Variants in TRPM2 observed in about 807,000 individuals in gnomAD.
TRPM2 encodes the protein estrogen-responsive element-associated gene 1 protein.
A neutral mutation model predicts 174.0 loss-of-function variants in TRPM2; 161 were observed. The observed-to-expected ratio is 0.93, with a 90% CI of 0.81 to 1.05. The LOEUF is 1.05. Among genes scored for constraint, TRPM2 ranks in the 50% least tolerant of loss-of-function variants. The pLI is 0.00. For missense variants in TRPM2, 2,057 were observed against 2,038.0 expected (o/e 1.01, Z -0.18); for synonymous variants, 954 against 861.3 (o/e 1.11, Z -1.88).
chr21:44,375,775 C>T (rs1233902309), intron 5 of TRPM2, 58 bp from the exon 6 acceptor site: 9 of 1,542,000 alleles, frequency 5.8e-6, no homozygotes, highest in African/African-American at 2.7e-5. Context: ...TCAGCCTGCT[C>T]GCGTTAGAGA....
In TRPM2 at chr21:44,433,134, G is replaced by C. The variant is rs368094312; in HGVS notation, c.3975-1997G>C. Among the ~76,000 whole-genome samples the C allele has an allele frequency of 5.3e-5, 8 of 152,326 alleles. No homozygotes were observed. The East Asian group carries it at 1.5e-3, about 29-fold the overall frequency. On this transcript the variant is annotated intron_variant, in intron 27 of 31. Transcript: ENST00000397928. ...TGAGAAGCAAGGGTGCAGAGTGTTT[G>C]TTTCCCTCCTGGCAGAAGCGAGCGT...
At chr21:44,381,293 C>T (rs1003411415) in intron 8 of TRPM2, among the ~76,000 whole-genome samples, 3 of 151,730 alleles carry the variant, frequency 2.0e-5, no homozygotes, top group Non-Finnish European at 2.9e-5. Context: ...TGGGAAGATG[C>T]GTTTGTGGAG....
chr21:44,355,824 C>T (rs2048043086), intron 2 of TRPM2, among the ~76,000 whole-genome samples: 1 of 151,486 alleles, frequency 6.6e-6, no homozygotes, highest in African/African-American at 2.4e-5. Context: ...AATACAACAG[C>T]TGTCCCTCCG....
intron 16 of TRPM2, among the ~76,000 whole-genome samples, chr21:44,404,630 T>C (rs1462122951): frequency 1.3e-5 from 2 of 152,196 alleles, no homozygotes; most frequent in African/African-American, 4.8e-5. Flanking sequence ...ATAGTGATGA[T>C]AGTGACAGTG....
intron 5 of TRPM2, among the ~76,000 whole-genome samples, chr21:44,374,850 G>T (rs1011149210): frequency 1.3e-5 from 2 of 152,138 alleles, no homozygotes; most frequent in Non-Finnish European, 2.9e-5. Context: ...ATGGCCCAGG[G>T]GGTGGGGGAC....
chr21:44,397,333 G>A (rs534503964), intron 12 of TRPM2, among the ~76,000 whole-genome samples: 14 of 152,082 alleles, frequency 9.2e-5, no homozygotes, highest in Non-Finnish European at 1.8e-4. Context: ...CACTGCATCC[G>A]GCCCAGGAAA....
rs1042104211 is a variant in TRPM2 at position 44,409,351 on chromosome 21, C to T, written c.2962+2586C>T. On this transcript the variant is annotated intron_variant, in intron 19 of 31. Transcript: ENST00000397928. ...TTTGTTGACAAGACTGTTGTTTCCC[C>T]AGTGAAGCATCTTGGCATCCTTGTT... is the stretch of plus-strand genomic sequence containing the variant. Among the ~76,000 whole-genome samples the T allele has an allele frequency of 1.7e-4, 26 of 152,288 alleles. No individual in the cohort carries two copies. The East Asian group carries it at 5.0e-3, about 29-fold the overall frequency.
chr21:44,412,265 C>A (rs571457940), intron 19 of TRPM2, among the ~76,000 whole-genome samples: 6 of 152,264 alleles, frequency 3.9e-5, no homozygotes, highest in East Asian at 1.9e-4. Context: ...CTAATTCAAT[C>A]TCTTTATGTG....
rs1456549860 is a variant in TRPM2 at position 44,379,256 on chromosome 21, G to A, written c.1215+59G>A. ...TGGCTGCTTTGCAGAGACACTGTCA[G>A]CCTGGTGGGCAGGACCAGGACTCAT... On this transcript the variant is annotated intron_variant, in intron 8 of 31. Coordinates refer to ENST00000397928, the MANE Select transcript of TRPM2 (RefSeq NM_003307.4). 4 of 1,576,964 alleles carry A rather than the reference G, an allele frequency of 2.5e-6. No individual in the cohort carries two copies. The African/African-American group carries it at 5.4e-5, about 21-fold the overall frequency.
At chr21:44,430,520 C>T (rs1353841801) in intron 27 of TRPM2, among the ~76,000 whole-genome samples, 1 of 17,836 alleles carries the variant, frequency 5.6e-5, no homozygotes, top group Non-Finnish European at 1.2e-4. Flanking sequence ...AGCTCCGCTT[C>T]CCGGGTTCAC....
intron 28 of TRPM2, among the ~76,000 whole-genome samples, chr21:44,435,699 C>T (rs1242690125): frequency 7.1e-6 from 1 of 140,820 alleles, no homozygotes; most frequent in Admixed American, 6.9e-5. Context: ...CCCTCAGACT[C>T]ACTTTCCACA....
Position 44,413,882 on chromosome 21 carries a change from C to G in TRPM2, c.2963-9C>G. ...TTCTTGGCTCACCCACCCCCATTCC[C>G]AACGCCAGGTGTGAACTTCAACCCG... On this transcript the variant is annotated splice_polypyrimidine_tract_variant and intron_variant, in intron 19 of 31. Transcript: ENST00000397928. 2 of 1,605,032 alleles carry G rather than the reference C, an allele frequency of 1.2e-6. No individual in the cohort carries two copies. Among genetic ancestry groups the G allele is most frequent in the South Asian group, 2.2e-5 (2 of 90,828 alleles).
chr21:44,362,365 A>AAAAAAAAAAAAAAAAAAAAAAAG (rs1201529326), intron 2 of TRPM2, among the ~76,000 whole-genome samples: 1 of 144,300 alleles, frequency 6.9e-6, no homozygotes, highest in African/African-American at 2.6e-5. Flanking sequence ...AAAAAAAAAA[A>AAAAAAAAAAAAAAAAAAAAAAAG]GCCAGATGTG....
At chr21:44,420,839 A>C (rs1351899105) in intron 22 of TRPM2, among the ~76,000 whole-genome samples, 1 of 152,204 alleles carries the variant, frequency 6.6e-6, no homozygotes, top group Non-Finnish European at 1.5e-5. Flanking sequence ...CTTCACCTGC[A>C]TCATCTCGCT....
At chr21:44,406,502 C>T in intron 18 of TRPM2, 92 bp from the exon 19 acceptor site, 1 of 1,421,394 alleles carries the variant, frequency 7.0e-7, no homozygotes, top group Non-Finnish European at 9.4e-7. Flanking sequence ...CTGTGAGTGG[C>T]AGTGCTGTCT....
At chr21:44,357,138 C>T (rs1039691279) in intron 2 of TRPM2, among the ~76,000 whole-genome samples, 2 of 152,196 alleles carry the variant, frequency 1.3e-5, no homozygotes, top group Non-Finnish European at 2.9e-5. Context: ...CAGCAGGTTT[C>T]AGCCTCATTT....
intron 12 of TRPM2, among the ~76,000 whole-genome samples, chr21:44,396,354 A>C (rs1029028235): frequency 6.9e-3 from 10 of 1,448 alleles, no homozygotes; most frequent in East Asian, 0.026. Flanking sequence ...CTGTGGAGGG[A>C]TGTGGAGGGG....
In TRPM2 at chr21:44,377,751, A is replaced by G; in HGVS notation, c.992A>G (p.Glu331Gly). 6.2e-7 allele frequency: 1 copy of G among 1,614,042 alleles called. No homozygotes were observed. Among genetic ancestry groups the G allele is most frequent in the South Asian group, 1.1e-5 (1 of 91,078 alleles). ...IKIPIVCVVL[E>G]GGPGTLHTID... ...ATCCCCATCGTGTGCGTGGTGCTGGAGGGCGGCCCGGGCACGTTGCACGTG... is the reference window on the plus strand; with the variant it reads ...ATCCCCATCGTGTGCGTGGTGCTGGGGGGCGGCCCGGGCACGTTGCACGTG... The change falls in exon 7 of 32, where the codon GAG becomes GGG. Residue 331 changes from glutamate (E) to glycine (G), a missense_variant. Coordinates refer to ENST00000397928, the MANE Select transcript of TRPM2 (RefSeq NM_003307.4).
chr21:44,390,443 C>T (rs934229688), intron 9 of TRPM2, among the ~76,000 whole-genome samples: 4 of 152,144 alleles, frequency 2.6e-5, no homozygotes, highest in East Asian at 1.9e-4. Flanking sequence ...AGCAAAATAA[C>T]TTGTCCTGAG....
Sources: gnomAD v4.1 joint callset for allele counts (sites outside exome capture counted in the v4.1 genomes callset) on GRCh38, gnomAD v4.1.1 for gene constraint, MANE v1.5 for transcripts, NCBI Gene and HGNC (gene_info 2026-07-23, HGNC 2026-07-21) for gene names.